PRIM2: variants seen among roughly 807,000 people sequenced by gnomAD.
PRIM2 encodes DNA primase subunit 2.
Under a neutral mutation model 67.3 loss-of-function variants are expected in PRIM2, and 39 were observed. That is an observed-to-expected ratio of 0.58 (90% CI 0.45 to 0.76). The LOEUF (loss-of-function observed/expected upper bound fraction) is 0.76, where lower values mean the gene tolerates loss of function less well. Among genes scored for constraint, PRIM2 ranks in the 30% least tolerant of loss-of-function variants. PRIM2 has a pLI of 0.00. For synonymous variants in PRIM2, 143 were observed against 198.7 expected (o/e 0.72, Z 2.36); for missense variants, 398 against 598.7 (o/e 0.66, Z 3.50).
chr6:57,268,839 T>G, the PRIM2 span, among the ~76,000 whole-genome samples: 7 of 141,138 alleles, frequency 5.0e-5, no homozygotes, highest in African/African-American at 1.8e-4. Context: ...TGTGTCCATG[T>G]GTTCTCATTG....
chr6:57,419,287 T>C (rs1338761772), intron 7 of PRIM2, among the ~76,000 whole-genome samples: 1 of 151,782 alleles, frequency 6.6e-6, no homozygotes, highest in African/African-American at 2.4e-5. Context: ...CTACGGGGAG[T>C]TGCCATCCAT....
the PRIM2 span, among the ~76,000 whole-genome samples, chr6:57,308,310 G>T: frequency 2.0e-5 from 3 of 151,722 alleles, no homozygotes; most frequent in Non-Finnish European, 2.9e-5. Context: ...TTTTGTAGAG[G>T]CAGGGTTTCA....
chr6:57,224,801 C>G, the PRIM2 span, among the ~76,000 whole-genome samples: 1 of 152,194 alleles, frequency 6.6e-6, no homozygotes, highest in Non-Finnish European at 1.5e-5. Flanking sequence ...ATATGCCACC[C>G]CAAAACATGC....
chr6:57,569,000 T>C (rs1181662574), intron 10 of PRIM2, among the ~76,000 whole-genome samples: 18 of 152,370 alleles, frequency 1.2e-4, no homozygotes, highest in Middle Eastern at 3.4e-3. Flanking sequence ...TGTAAGTTCT[T>C]TCTGAACTTC....
intron 10 of PRIM2, among the ~76,000 whole-genome samples, chr6:57,571,376 A>G (rs1429409884): frequency 2.0e-5 from 3 of 152,280 alleles, no homozygotes; most frequent in East Asian, 1.9e-4. Context: ...AAGGCTGGGC[A>G]TGGTGGCTCA....
At position 57,392,094 on chromosome 6, in the gene PRIM2, T is replaced by TG. The variant is rs1464414067; in HGVS notation, c.693+9928dup. On this transcript the variant is annotated intron_variant, in intron 7 of 13. Coordinates refer to ENST00000615550, the MANE Select transcript of PRIM2 (RefSeq NM_000947.5). ...TTATTGTTGCGATCTTTCACCTCCC[T>TG]GGTTAGCTGTATTCCTAGGTATTTT... Among the ~76,000 whole-genome samples, 7 of 152,310 alleles carry TG rather than the reference T, an allele frequency of 4.6e-5. No homozygotes were observed. In the East Asian group the frequency reaches 1.3e-3, roughly 29 times the overall value.
the PRIM2 span, among the ~76,000 whole-genome samples, chr6:57,227,599 A>C: frequency 6.8e-6 from 1 of 148,004 alleles, no homozygotes; most frequent in Non-Finnish European, 1.5e-5. Flanking sequence ...AGCCAAGATC[A>C]TGCCACTGAA....
At position 57,371,627 on chromosome 6, in the gene PRIM2, TA is replaced by T. The variant is rs1416888300; in HGVS notation, c.460-8270del. Among the ~76,000 whole-genome samples the T allele has an allele frequency of 3.9e-5, 6 of 152,358 alleles. 1 individual carries two copies. The East Asian group carries it at 9.6e-4, about 24-fold the overall frequency. On this transcript the variant is annotated intron_variant, in intron 5 of 13. Coordinates refer to ENST00000615550, the MANE Select transcript of PRIM2 (RefSeq NM_000947.5). Reference sequence around the variant, plus strand: ...TGGTGGGGAACACAGAGATGTATATTAAAATTTTATTTAATTTCAGATAAAT... The same window carrying T: ...TGGTGGGGAACACAGAGATGTATATTAAATTTTATTTAATTTCAGATAAAT...
At chr6:57,443,005 A>G (rs915039830) in intron 7 of PRIM2, among the ~76,000 whole-genome samples, 1 of 152,116 alleles carries the variant, frequency 6.6e-6, no homozygotes, top group Non-Finnish European at 1.5e-5. Flanking sequence ...TAGATTCCCC[A>G]TGTGAGAACA....
chr6:57,634,814 TGAAG>T (rs1777092243), intron 13 of PRIM2, among the ~76,000 whole-genome samples: 2 of 152,170 alleles, frequency 1.3e-5, no homozygotes, highest in Admixed American at 1.3e-4. Context: ...TTTACATTAA[TGAAG>T]ATTTTGGAAA....
At chr6:57,402,680 T>A (rs913315316) in intron 7 of PRIM2, among the ~76,000 whole-genome samples, 2 of 152,202 alleles carry the variant, frequency 1.3e-5, no homozygotes, top group African/African-American at 4.8e-5. Context: ...TGAATAAGAA[T>A]AGCAGAAGAT....
chr6:57,625,192 T>C (rs1425531243), intron 12 of PRIM2, among the ~76,000 whole-genome samples: 5 of 152,074 alleles, frequency 3.3e-5, no homozygotes, highest in African/African-American at 4.8e-5. Flanking sequence ...AATAAAACTA[T>C]GGCAGGATAA....
chr6:57,312,435 G>A (rs1416093198), upstream of PRIM2, among the ~76,000 whole-genome samples: 1 of 152,108 alleles, frequency 6.6e-6, no homozygotes, highest in Non-Finnish European at 1.5e-5. Context: ...CCAGGAGGTG[G>A]AGGCTGCAGT....
intron 8 of PRIM2, among the ~76,000 whole-genome samples, chr6:57,522,483 A>G (rs1259212512): frequency 6.6e-5 from 10 of 152,288 alleles, no homozygotes; most frequent in South Asian, 2.1e-4. Flanking sequence ...TTTTGATAAC[A>G]TACCTTATTT....
At chr6:57,234,510 TTTTA>T in the PRIM2 span, among the ~76,000 whole-genome samples, 1 of 152,100 alleles carries the variant, frequency 6.6e-6, no homozygotes, top group Non-Finnish European at 1.5e-5. Context: ...GTCTGCTGTG[TTTTA>T]TTTTTATTTT....
At chr6:57,327,103 G>C (rs1291084721) in intron 5 of PRIM2, among the ~76,000 whole-genome samples, 1 of 151,948 alleles carries the variant, frequency 6.6e-6, no homozygotes. Flanking sequence ...GTTTTGCCAT[G>C]TTGGCCAGGG....
At chr6:57,263,753 G>C in the PRIM2 span, among the ~76,000 whole-genome samples, 2 of 152,126 alleles carry the variant, frequency 1.3e-5, no homozygotes, top group Non-Finnish European at 2.9e-5. Flanking sequence ...ATCACATCTA[G>C]CTTATTTTAT....
chr6:57,432,215 CA>C (rs1771857066), intron 7 of PRIM2, among the ~76,000 whole-genome samples: 1 of 151,140 alleles, frequency 6.6e-6, no homozygotes. Flanking sequence ...GAAAACTTTC[CA>C]TTTTTGGGGG....
chr6:57,403,085 G>T (rs1397631079), intron 7 of PRIM2, among the ~76,000 whole-genome samples: 1 of 152,098 alleles, frequency 6.6e-6, no homozygotes, highest in Non-Finnish European at 1.5e-5. Flanking sequence ...TCATGGAATA[G>T]TATTGGATAA....
Sources: allele counts gnomAD v4.1 joint callset (sites outside exome capture counted in the v4.1 genomes callset), GRCh38; gene constraint gnomAD v4.1.1; transcripts MANE v1.5; gene names NCBI Gene and HGNC (gene_info 2026-07-23, HGNC 2026-07-21).